PCGF5: variants seen among roughly 807,000 people sequenced by gnomAD.
PCGF5 encodes polycomb group RING finger protein 5.
Under a neutral mutation model 44.3 loss-of-function variants are expected in PCGF5, and 9 were observed. The ratio of observed to expected loss-of-function variants is 0.20; its 90% CI spans 0.12 to 0.35. PCGF5 has a LOEUF of 0.35. Among genes scored for constraint, PCGF5 ranks in the 10% least tolerant of loss-of-function variants. The pLI, the probability that PCGF5 is intolerant of heterozygous loss-of-function variation, is 1.00. For synonymous variants in PCGF5, 95 were observed against 102.5 expected, an observed-to-expected ratio of 0.93 and a Z score of 0.44; for missense variants, 146 against 305.3, an observed-to-expected ratio of 0.48 and a Z score of 3.89.
At chr10:91,214,147 C>T (rs1358558289) in intron 1 of PCGF5, among the ~76,000 whole-genome samples, 1 of 151,928 alleles carries the variant, frequency 6.6e-6, no homozygotes, top group Non-Finnish European at 1.5e-5. Flanking sequence ...ACAAAAAATA[C>T]AAAAATTATC....
At chr10:91,212,578 T>C (rs1283691554) in intron 1 of PCGF5, among the ~76,000 whole-genome samples, 1 of 152,178 alleles carries the variant, frequency 6.6e-6, no homozygotes, top group East Asian at 1.9e-4. Context: ...CTGACAGGAA[T>C]GAGATAGAGA....
At chr10:91,271,829 A>T (rs986949014) in intron 9 of PCGF5, 132 bp downstream of exon 9, 1 of 661,966 alleles carries the variant, frequency 1.5e-6, no homozygotes, top group Non-Finnish European at 2.6e-6. Flanking sequence ...TTATCTTTTC[A>T]ACTTATATAC....
At chr10:91,246,415 C>A (rs1215860541) in intron 3 of PCGF5, among the ~76,000 whole-genome samples, 4 of 152,032 alleles carry the variant, frequency 2.6e-5, no homozygotes, top group Non-Finnish European at 5.9e-5. Context: ...TTGAATAAGC[C>A]AGTTGGCTAG....
chr10:91,175,513 C>A (rs191216091), intron 1 of PCGF5, among the ~76,000 whole-genome samples: 1 of 150,896 alleles, frequency 6.6e-6, no homozygotes, highest in South Asian at 2.1e-4. Flanking sequence ...CATTCAACAA[C>A]CCTATAACCT....
chr10:91,228,050 T>A, intron 2 of PCGF5: 1 of 659,042 alleles, frequency 1.5e-6, no homozygotes, highest in East Asian at 1.4e-4. Context: ...ATTACAAATT[T>A]AGGAAAACTG....
intron 5 of PCGF5, among the ~76,000 whole-genome samples, chr10:91,249,046 A>G (rs1242905332): frequency 2.0e-5 from 3 of 152,102 alleles, no homozygotes; most frequent in Non-Finnish European, 4.4e-5. Context: ...AGAAATAGCC[A>G]CAGCTTGCAA....
At chr10:91,182,628 T>C (rs1014622890) in intron 1 of PCGF5, among the ~76,000 whole-genome samples, 6 of 152,202 alleles carry the variant, frequency 3.9e-5, no homozygotes, top group African/African-American at 1.4e-4. Context: ...CTTTTAGTTG[T>C]GATGTTAAGT....
chr10:91,179,191 C>G (rs1167551427), intron 1 of PCGF5, among the ~76,000 whole-genome samples: 1 of 152,132 alleles, frequency 6.6e-6, no homozygotes, highest in South Asian at 2.1e-4. Context: ...CATGTACTCT[C>G]TATCCTCAGA....
intron 1 of PCGF5, among the ~76,000 whole-genome samples, chr10:91,167,417 AG>A (rs1452391885): frequency 2.0e-5 from 3 of 152,238 alleles, no homozygotes; most frequent in Non-Finnish European, 2.9e-5. Flanking sequence ...AATTCAGAGG[AG>A]GAAAAGACTA....
upstream of PCGF5, among the ~76,000 whole-genome samples, chr10:91,162,041 C>G (rs10785991): frequency 0.91 from 138,787 of 151,884 alleles, 63,568 homozygotes; most frequent in African/African-American, 0.98. Context: ...CTGAGTCCAA[C>G]AAAGTTTGAC....
chr10:91,237,525 T>G (rs892346021), intron 2 of PCGF5, among the ~76,000 whole-genome samples: 2 of 152,138 alleles, frequency 1.3e-5, no homozygotes, highest in African/African-American at 4.8e-5. Flanking sequence ...GGCAGATTAC[T>G]TGAGGCCAGG....
chr10:91,176,064 AT>A (rs1364660205), intron 1 of PCGF5, among the ~76,000 whole-genome samples: 5 of 151,924 alleles, frequency 3.3e-5, no homozygotes, highest in African/African-American at 7.3e-5. Flanking sequence ...GTTCCTTTCC[AT>A]GTTTAGTGCT....
At chr10:91,187,348 A>G (rs1213409211) in intron 1 of PCGF5, among the ~76,000 whole-genome samples, 1 of 152,100 alleles carries the variant, frequency 6.6e-6, no homozygotes, top group African/African-American at 2.4e-5. Context: ...CTTCATGTGC[A>G]GATTTTGTAG....
At chr10:91,258,520 C>A (rs1035722951) in intron 6 of PCGF5, among the ~76,000 whole-genome samples, 14 of 152,090 alleles carry the variant, frequency 9.2e-5, no homozygotes, top group African/African-American at 3.4e-4. Flanking sequence ...AGATTTCAGA[C>A]TGGGGATGAT....
upstream of PCGF5, among the ~76,000 whole-genome samples, chr10:91,215,359 C>G (rs1844522223): frequency 6.6e-6 from 1 of 152,212 alleles, no homozygotes; most frequent in Admixed American, 6.5e-5. Context: ...GTGAAACTCC[C>G]TGTTCACAGA....
chr10:91,276,819 T>C (rs1301079294), intron 9 of PCGF5, among the ~76,000 whole-genome samples: 1 of 152,120 alleles, frequency 6.6e-6, no homozygotes, highest in African/African-American at 2.4e-5. Context: ...CTAGAGCAGT[T>C]AGTATAGTGA....
chr10:91,270,053 C>A (rs1314059561), intron 8 of PCGF5, among the ~76,000 whole-genome samples: 1 of 152,278 alleles, frequency 6.6e-6, no homozygotes, highest in South Asian at 2.1e-4. Context: ...TTATTAATAA[C>A]TTATGCATAT....
chr10:91,186,261 G>A (rs755968186), intron 1 of PCGF5, among the ~76,000 whole-genome samples: 22 of 152,158 alleles, frequency 1.4e-4, no homozygotes, highest in Non-Finnish European at 2.5e-4. Context: ...CAGCTGTGGT[G>A]TACCAGGCGT....
In PCGF5 at chr10:91,283,288, T is replaced by A. The variant is rs1846497700; in HGVS notation, c.*4972T>A. ...AGAAAGTTATAAAATTAAAAATAAT[T>A]ATTTTAAATGCTCATTCAAATGTGT... On this transcript the variant is annotated 3_prime_UTR_variant, in exon 10 of 10. Transcript: ENST00000336126. 6.6e-6 allele frequency: 1 copy of A among 152,218 alleles called. No individual in the cohort carries two copies. The highest frequency in any genetic ancestry group is 1.9e-4 in the East Asian group (1 of 5,202). 9.4% of individuals were successfully genotyped at this position (152,218 alleles called of 1,614,324 possible). A position where few individuals can be genotyped will look rare whatever the true frequency, so the allele number is the denominator to read the frequency against.
Sources: allele counts gnomAD v4.1 joint callset (sites outside exome capture counted in the v4.1 genomes callset), GRCh38; gene constraint gnomAD v4.1.1; transcripts MANE v1.5; gene names NCBI Gene and HGNC (gene_info 2026-07-23, HGNC 2026-07-21).